Variants in C2orf66 observed in about 807,000 individuals in gnomAD.
The protein encoded by C2orf66 is chromosome 2 open reading frame 66, also known as uncharacterized protein C2orf66.
A neutral mutation model predicts 7.0 loss-of-function variants in C2orf66; 6 were observed. That is an observed-to-expected ratio of 0.86 (90% CI 0.47 to 1.69). The LOEUF is 1.69. Ranked by LOEUF, C2orf66 falls within the 40% of genes most tolerant of loss-of-function variation. The probability of loss-of-function intolerance (pLI) is 0.01; values close to 1 mark genes in which losing one functional copy is unlikely to be tolerated. For synonymous variants in C2orf66, 38 were observed against 43.8 expected, an observed-to-expected ratio of 0.87 and a Z score of 0.52; for missense variants, 107 against 112.0, an observed-to-expected ratio of 0.96 and a Z score of 0.20.
chr2:196,811,594 T>C (rs1240197990), upstream of C2orf66, among the ~76,000 whole-genome samples: 1 of 152,122 alleles, frequency 6.6e-6, no homozygotes, highest in East Asian at 1.9e-4. Flanking sequence ...CACCAAGATA[T>C]CAAACCGAGG....
chr2:196,818,881 C>G, the C2orf66 span, among the ~76,000 whole-genome samples: 1 of 152,230 alleles, frequency 6.6e-6, no homozygotes, highest in Non-Finnish European at 1.5e-5. Flanking sequence ...GACAAGGTCT[C>G]ACAGCTGAGG....
the C2orf66 span, among the ~76,000 whole-genome samples, chr2:196,822,371 A>C: frequency 6.6e-6 from 1 of 152,376 alleles, no homozygotes; most frequent in East Asian, 1.9e-4. Flanking sequence ...TTGAATAAAT[A>C]AGCAAACGTT....
At chr2:196,821,386 T>A in the C2orf66 span, among the ~76,000 whole-genome samples, 2 of 152,350 alleles carry the variant, frequency 1.3e-5, no homozygotes, top group South Asian at 4.1e-4. Flanking sequence ...ATCAGGCCAA[T>A]CACGGAGGAA....
chr2:196,811,001 G>C (rs969289601), upstream of C2orf66, among the ~76,000 whole-genome samples: 1 of 152,252 alleles, frequency 6.6e-6, no homozygotes, highest in African/African-American at 2.4e-5. Context: ...ATTTGATTCA[G>C]TCTGAGAGCC....
the C2orf66 span, among the ~76,000 whole-genome samples, chr2:196,814,726 A>C: frequency 6.6e-6 from 1 of 152,208 alleles, no homozygotes; most frequent in African/African-American, 2.4e-5. Flanking sequence ...GGCTGAATAA[A>C]TTACAACAGA....
the C2orf66 span, among the ~76,000 whole-genome samples, chr2:196,828,175 C>T: frequency 6.7e-6 from 1 of 150,304 alleles, no homozygotes; most frequent in African/African-American, 2.4e-5. Context: ...CTGTTCAAAA[C>T]AAGCAGAGCA....
chr2:196,812,427 G>A (rs1468886708), upstream of C2orf66, among the ~76,000 whole-genome samples: 5 of 152,096 alleles, frequency 3.3e-5, no homozygotes, highest in Non-Finnish European at 5.9e-5. Context: ...TTGATGGAAC[G>A]TATCTCAAAA....
the C2orf66 span, among the ~76,000 whole-genome samples, chr2:196,824,169 A>C: frequency 6.6e-6 from 1 of 152,216 alleles, no homozygotes; most frequent in Admixed American, 6.5e-5. Flanking sequence ...TAGACAGGCA[A>C]TCTGGCTTGA....
the C2orf66 span, among the ~76,000 whole-genome samples, chr2:196,824,707 G>T: frequency 1.3e-5 from 2 of 152,112 alleles, no homozygotes; most frequent in Non-Finnish European, 2.9e-5. Context: ...CTTCATTTTT[G>T]CTTTCAGGAT....
At chr2:196,825,716 A>T in the C2orf66 span, among the ~76,000 whole-genome samples, 1 of 152,196 alleles carries the variant, frequency 6.6e-6, no homozygotes, top group African/African-American at 2.4e-5. Flanking sequence ...TGTAGGAGGA[A>T]GACATAATTC....
At chr2:196,828,338 G>A in the C2orf66 span, among the ~76,000 whole-genome samples, 6 of 151,546 alleles carry the variant, frequency 4.0e-5, no homozygotes, top group Non-Finnish European at 8.8e-5. Flanking sequence ...AATTCATCAA[G>A]GGACTTTTCT....
upstream of C2orf66, chr2:196,809,418 AAG>A (rs778584952): frequency 6.4e-7 from 1 of 1,568,328 alleles, no homozygotes; most frequent in Non-Finnish European, 8.7e-7. Flanking sequence ...GAGAGAGAGA[AAG>A]AGGAAACATC....
the C2orf66 span, among the ~76,000 whole-genome samples, chr2:196,825,170 G>T: frequency 6.8e-6 from 1 of 146,454 alleles, no homozygotes; most frequent in Non-Finnish European, 1.5e-5. Context: ...GGATGGGGAG[G>T]TTGTAGTGAG....
chr2:196,818,318 G>C, the C2orf66 span, among the ~76,000 whole-genome samples: 2 of 152,224 alleles, frequency 1.3e-5, no homozygotes, highest in Non-Finnish European at 2.9e-5. Context: ...GGCCAAGCAA[G>C]GTTGCCATGC....
At chr2:196,830,534 T>A in the C2orf66 span, among the ~76,000 whole-genome samples, 3 of 152,174 alleles carry the variant, frequency 2.0e-5, no homozygotes. Flanking sequence ...ATGGCTGGGA[T>A]CTTGTAGGAG....
the C2orf66 span, among the ~76,000 whole-genome samples, chr2:196,814,941 T>A: frequency 2.3e-4 from 35 of 152,262 alleles, no homozygotes; most frequent in African/African-American, 8.4e-4. Flanking sequence ...TAGAACTATA[T>A]GTTTAAGTTA....
At chr2:196,827,774 G>C in the C2orf66 span, among the ~76,000 whole-genome samples, 9 of 152,078 alleles carry the variant, frequency 5.9e-5, no homozygotes, top group Admixed American at 2.6e-4. Flanking sequence ...TAAAAAGCAT[G>C]GTGATTGTCT....
chr2:196,806,304 TCTC>T (rs1699819091), intron 2 of C2orf66, among the ~76,000 whole-genome samples: 6 of 151,978 alleles, frequency 3.9e-5, no homozygotes. Flanking sequence ...TTCACGCCAT[TCTC>T]CTGCCTCAGC....
the C2orf66 span, among the ~76,000 whole-genome samples, chr2:196,826,270 T>G: frequency 6.6e-6 from 1 of 152,234 alleles, no homozygotes; most frequent in Non-Finnish European, 1.5e-5. Context: ...AGATATCAGT[T>G]GTTGATCATG....
Sources: gnomAD v4.1 joint callset for allele counts (sites outside exome capture counted in the v4.1 genomes callset) on GRCh38, gnomAD v4.1.1 for gene constraint, MANE v1.5 for transcripts, NCBI Gene and HGNC (gene_info 2026-07-23, HGNC 2026-07-21) for gene names.